PLCD1: variants seen among roughly 807,000 people sequenced by gnomAD.
PLCD1 encodes 1-phosphatidylinositol 4,5-bisphosphate phosphodiesterase delta-1.
A neutral mutation model predicts 87.4 loss-of-function variants in PLCD1; 71 were observed. The ratio of observed to expected loss-of-function variants is 0.81; its 90% CI spans 0.67 to 0.99. The LOEUF (loss-of-function observed/expected upper bound fraction) is 0.99. PLCD1 is among the 50% of genes least tolerant of loss of function. PLCD1 has a pLI of 0.00. For missense variants in PLCD1, 867 were observed against 1,001.5 expected (o/e 0.87, Z 1.81); for synonymous variants, 348 against 399.2 (o/e 0.87, Z 1.53).
chr3:38,027,913 G>A (rs565653100), intron 1 of PLCD1, among the ~76,000 whole-genome samples: 2 of 152,356 alleles, frequency 1.3e-5, no homozygotes, highest in East Asian at 3.9e-4. Flanking sequence ...TGGGGTCACA[G>A]TGTTCATGTC....
In PLCD1 at chr3:38,025,056, C is replaced by CA. The variant is rs1255813861; in HGVS notation, c.34+4449dup. ...AGCGGGGCGAAGGAGGGGCCAGGCTCAGAGGCGGAGCTCAGGCCGGGAGCC... is the reference window on the plus strand; with the variant it reads ...AGCGGGGCGAAGGAGGGGCCAGGCTCAAGAGGCGGAGCTCAGGCCGGGAGCC... On this transcript the variant is annotated intron_variant, in intron 1 of 14. Transcript: ENST00000334661. The surrounding 1 kb of genome is among the most constrained non-coding windows in gnomAD (Gnocchi z 4.0). Among the ~76,000 whole-genome samples, 2 of 151,768 alleles carry CA rather than the reference C, an allele frequency of 1.3e-5. No homozygotes were observed. Among genetic ancestry groups the CA allele is most frequent in the African/African-American group, 2.4e-5 (1 of 41,288 alleles).
chr3:38,024,282 G>C (rs763664658), intron 1 of PLCD1: 1 of 1,518,128 alleles, frequency 6.6e-7, no homozygotes, highest in Non-Finnish European at 9.1e-7. Context: ...TCGGCGTCCT[G>C]CTCCAGCTGC....
rs769073213 is a variant in PLCD1 at position 38,008,454 on chromosome 3, G to A, written c.1902+4C>T. 1.2e-5 allele frequency: 19 copies of A among 1,614,050 alleles called. No homozygotes were observed. The highest frequency in any genetic ancestry group is 6.7e-5 in the African/African-American group (5 of 74,934). The stretch of plus-strand genomic sequence containing the variant: ...GGCACCTGTCCCTCCTAGGTCCAGC[G>A]TACCCTGATGTTGAGCCGCTTCCGT... On this transcript the variant is annotated splice_donor_region_variant and intron_variant, in intron 12 of 14. Coordinates refer to ENST00000334661, the MANE Select transcript of PLCD1 (RefSeq NM_006225.4).
At chr3:38,010,092 C>A (rs1404970219) in intron 7 of PLCD1, 39 bp from the exon 8 acceptor site, 5 of 1,613,974 alleles carry the variant, frequency 3.1e-6, no homozygotes, top group Non-Finnish European at 4.2e-6. Context: ...GTGGGCCACC[C>A]CTAGCATCCC....
chr3:38,012,028 TTTC>T (rs1367526530), intron 3 of PLCD1, among the ~76,000 whole-genome samples: 38 of 142,866 alleles, frequency 2.7e-4, no homozygotes, highest in African/African-American at 1.1e-3. Context: ...TGGTTTTCCT[TTTC>T]TTTTTTTTTT....
At chr3:38,027,699 C>A (rs1575359920) in intron 1 of PLCD1, among the ~76,000 whole-genome samples, 1 of 152,324 alleles carries the variant, frequency 6.6e-6, no homozygotes, top group East Asian at 1.9e-4. Context: ...TGCTGGGGCA[C>A]CCACACTGTG....
Position 38,010,462 on chromosome 3 carries a change from G to T in PLCD1, c.891C>A (p.Asp297Glu), listed in dbSNP as rs1183671599. ...FSLAHRRVYQDMGQPLSHYLV... is the reference protein window; with the variant it reads ...FSLAHRRVYQEMGQPLSHYLV... ...GGTAGTGGCTAAGTGGCTGGCCCAT[G>T]TCCTGGTAGACACGGCGGTGTGCCA... Residue 297 changes from aspartate (D) to glutamate (E), a missense_variant, in exon 6 of 15, where the codon GAC becomes GAA. Asp to Glu is a conservative substitution (Grantham distance 45). Transcript: ENST00000334661. 6.2e-7 allele frequency: 1 copy of T among 1,614,154 alleles called. No homozygotes were observed. The highest frequency in any genetic ancestry group is 8.5e-7 in the Non-Finnish European group (1 of 1,179,960).
In PLCD1 at chr3:38,009,326, A is replaced by G. The variant is rs1232076207; in HGVS notation, c.1552T>C (p.Tyr518His). ...TTCTCAGAGAAGGACGCCATCTCGT[A>G]GAAGGCCTGTCCAGGGGTGCCAGGA... ...SSPGTPGQAF[Y>H]EMASFSENRA... Residue 518 changes from tyrosine (Y) to histidine (H), a missense_variant, in exon 10 of 15, where the codon TAC becomes CAC. Tyr to His is a moderately conservative substitution (Grantham distance 83, BLOSUM62 2). Transcript: ENST00000334661. The G allele has an allele frequency of 6.2e-7, 1 of 1,614,232 alleles. No homozygotes were observed. The highest frequency in any genetic ancestry group is 2.2e-5 in the East Asian group (1 of 44,882).
intron 5 of PLCD1, 106 bp from the exon 6 acceptor site, chr3:38,010,668 T>C (rs1221432018): frequency 4.7e-6 from 4 of 848,756 alleles, no homozygotes; most frequent in Non-Finnish European, 7.5e-6. Flanking sequence ...TGCCTGCCTG[T>C]CCTGAGCCAG....
Position 38,007,606 on chromosome 3 carries a change from T to A in PLCD1, c.*167A>T. Reference sequence around the variant, plus strand: ...TGAAGGACAGCTCCAGGGACTGGGCTAGCTCCTGGTCCCCAGGGAGGCAGC... The same window carrying A: ...TGAAGGACAGCTCCAGGGACTGGGCAAGCTCCTGGTCCCCAGGGAGGCAGC... On this transcript the variant is annotated 3_prime_UTR_variant, in exon 15 of 15. Transcript: ENST00000334661. 2 of 705,484 alleles carry A rather than the reference T, an allele frequency of 2.8e-6. No individual in the cohort carries two copies. Among genetic ancestry groups the A allele is most frequent in the Non-Finnish European group, 5.2e-6 (2 of 386,692 alleles). The allele number at this position is 705,484 out of a possible 1,614,324, so 43.7% of individuals were successfully genotyped here. A position where few individuals can be genotyped will look rare whatever the true frequency, so the allele number is the denominator to read the frequency against.
chr3:38,028,709 A>G lies in PLCD1; in HGVS notation c.34+797T>C, dbSNP rs571247178. Among the ~76,000 whole-genome samples the G allele has an allele frequency of 2.6e-5, 4 of 152,298 alleles. No homozygotes were observed. In the South Asian group the frequency reaches 8.3e-4, roughly 32 times the overall value. ...GTGAGTGAGTGCCTGTCCTGGAGCA[A>G]AGAGGCGCCCAAAGTTACCCTCCCC... On this transcript the variant is annotated intron_variant, in intron 1 of 14. Transcript: ENST00000334661.
chr3:38,020,619 C>T lies in PLCD1; in HGVS notation c.35-267G>A, dbSNP rs75688923. ...CCAAGACCATACTTACACACTGTGA[C>T]GTGCCACCCACAGCTGAATGAACAA... On this transcript the variant is annotated intron_variant, in intron 1 of 14. Transcript: ENST00000334661. 1.5e-4 allele frequency among the ~76,000 whole-genome samples: 23 copies of T among 152,290 alleles called. No individual in the cohort carries two copies. The East Asian group carries it at 3.9e-3, about 26-fold the overall frequency.
rs1209508830 is a variant in PLCD1, at chr3:38,009,787, T to C, written c.1312A>G (p.Lys438Glu). 3 of 1,613,954 alleles carry C rather than the reference T, an allele frequency of 1.9e-6. No homozygotes were observed. The highest frequency in any genetic ancestry group is 2.5e-6 in the Non-Finnish European group (3 of 1,179,998). Residue 438 changes from lysine to glutamate, a missense_variant, in exon 9 of 15, where the codon AAG (lysine) becomes GAG (glutamate). By Grantham distance (56) the Lys-to-Glu change is moderately conservative. Transcript: ENST00000334661. ...AGGAGCCCCCCGAGCTTCTTCCCCTTCAGCAGGATCTTCCCCTTCAGTTGC... is the reference window on the plus strand; with the variant it reads ...AGGAGCCCCCCGAGCTTCTTCCCCTCCAGCAGGATCTTCCCCTTCAGTTGC... ...PEQLKGKILL[K>E]GKKLGGLLPP...
intron 1 of PLCD1, chr3:38,024,041 T>C (rs902987374): frequency 6.4e-5 from 29 of 452,796 alleles, no homozygotes; most frequent in African/African-American, 5.2e-4. Context: ...CCAGGCCACA[T>C]ACACGGTGCC....
At chr3:38,024,452 T>A (rs770442312) in intron 1 of PLCD1, 1 of 1,605,668 alleles carries the variant, frequency 6.2e-7, no homozygotes, top group East Asian at 2.2e-5. Flanking sequence ...ACAGTGCCCC[T>A]GCCTGCGCGG....
chr3:38,010,889 T>A (rs554345699), intron 5 of PLCD1, among the ~76,000 whole-genome samples: 1 of 151,902 alleles, frequency 6.6e-6, no homozygotes, highest in South Asian at 2.1e-4. Context: ...ATCTCAAAGC[T>A]GGGCCAAGAA....
intron 1 of PLCD1, among the ~76,000 whole-genome samples, chr3:38,027,418 CCCATTTTA>C: frequency 6.6e-6 from 1 of 152,264 alleles, no homozygotes; most frequent in South Asian, 2.1e-4. Flanking sequence ...GGTATTATCC[CCCATTTTA>C]CAGATGAGGA....
intron 1 of PLCD1, among the ~76,000 whole-genome samples, chr3:38,023,737 A>G (rs1394554298): frequency 3.3e-5 from 5 of 152,016 alleles, no homozygotes; most frequent in African/African-American, 1.2e-4. Flanking sequence ...TTGGTTATAC[A>G]GTCACACTCA....
chr3:38,021,296 G>A (rs1700230038), intron 1 of PLCD1, among the ~76,000 whole-genome samples: 1 of 152,152 alleles, frequency 6.6e-6, no homozygotes, highest in African/African-American at 2.4e-5. Context: ...CCAGGGTCTG[G>A]GACCCCTCAG....
Sources: allele counts gnomAD v4.1 joint callset (sites outside exome capture counted in the v4.1 genomes callset), GRCh38; gene constraint gnomAD v4.1.1; non-coding constraint Gnocchi (gnomAD v3.1); transcripts MANE v1.5; gene names NCBI Gene and HGNC (gene_info 2026-07-23, HGNC 2026-07-21).